Variants in SUGCT observed in about 807,000 individuals in gnomAD.
SUGCT encodes succinyl-CoA:glutarate-CoA transferase, also known as succinyl-CoA:glutarate CoA-transferase.
SUGCT carries 41 observed loss-of-function variants against 55.0 expected under a neutral mutation model. That is an observed-to-expected ratio of 0.74 (90% CI 0.58 to 0.97). The LOEUF is 0.97. Ranked by LOEUF, SUGCT falls within the 50% of genes least tolerant of loss-of-function variation. The probability of loss-of-function intolerance (pLI) is 0.00; values close to 1 mark genes in which losing one functional copy is unlikely to be tolerated. For synonymous variants in SUGCT, 187 were observed against 200.4 expected, an observed-to-expected ratio of 0.93 and a Z score of 0.56; for missense variants, 568 against 547.8, an observed-to-expected ratio of 1.04 and a Z score of -0.37.
chr7:40,885,310 C>T, the SUGCT span, among the ~76,000 whole-genome samples: 3 of 152,172 alleles, frequency 2.0e-5, no homozygotes, highest in Non-Finnish European at 2.9e-5. Flanking sequence ...CACCGCTCTA[C>T]TGCCTCCTCA....
the SUGCT span, among the ~76,000 whole-genome samples, chr7:40,902,873 GA>G: frequency 1.3e-5 from 2 of 151,888 alleles, no homozygotes; most frequent in East Asian, 3.9e-4. Flanking sequence ...CCCTGTAGCT[GA>G]AAAAACCAAA....
chr7:40,228,907 A>G (rs1391397768), intron 6 of SUGCT, among the ~76,000 whole-genome samples: 2 of 152,064 alleles, frequency 1.3e-5, no homozygotes, highest in East Asian at 1.9e-4. Context: ...ATGTGCTTCA[A>G]TTTATTGCAA....
the SUGCT span, among the ~76,000 whole-genome samples, chr7:40,907,123 G>T: frequency 2.6e-5 from 2 of 75,718 alleles, no homozygotes; most frequent in East Asian, 3.5e-4. Context: ...GTGTGTGTGT[G>T]TGTGTGTGTG....
intron 12 of SUGCT, among the ~76,000 whole-genome samples, chr7:40,660,450 G>A (rs1356263758): frequency 6.6e-6 from 1 of 152,088 alleles, no homozygotes; most frequent in African/African-American, 2.4e-5. Context: ...GTAGAGACGG[G>A]GTTTCACCAT....
At chr7:40,844,041 A>AGGTG (rs1793425289) in intron 13 of SUGCT, among the ~76,000 whole-genome samples, 2 of 151,934 alleles carry the variant, frequency 1.3e-5, no homozygotes, top group Non-Finnish European at 2.9e-5. Flanking sequence ...AGGGCAAATC[A>AGGTG]ACACTGGAAC....
chr7:40,487,848 G>A (rs1791465877), intron 11 of SUGCT, among the ~76,000 whole-genome samples: 1 of 151,960 alleles, frequency 6.6e-6, no homozygotes, highest in Non-Finnish European at 1.5e-5. Flanking sequence ...GTTTTCAGTT[G>A]TGTGCAATAT....
intron 8 of SUGCT, among the ~76,000 whole-genome samples, chr7:40,306,597 T>C (rs1794863824): frequency 6.6e-6 from 1 of 152,250 alleles, no homozygotes; most frequent in Non-Finnish European, 1.5e-5. Context: ...AATTGTAGAA[T>C]AATGTAATAT....
the SUGCT span, among the ~76,000 whole-genome samples, chr7:40,883,870 A>G: frequency 6.6e-6 from 1 of 152,076 alleles, no homozygotes; most frequent in African/African-American, 2.4e-5. Context: ...ACTGAACTGG[A>G]TCCCCACTGT....
At chr7:40,517,762 C>CACTTATGATAATAAACCAGATT (rs1793323150) in intron 12 of SUGCT, among the ~76,000 whole-genome samples, 1 of 151,928 alleles carries the variant, frequency 6.6e-6, no homozygotes, top group Admixed American at 6.6e-5. Context: ...TGATTTTCAC[C>CACTTATGATAATAAACCAGATT]ACTTATGGTT....
At chr7:40,233,585 A>G (rs2150865873) in intron 6 of SUGCT, among the ~76,000 whole-genome samples, 1 of 152,286 alleles carries the variant, frequency 6.6e-6, no homozygotes, top group Middle Eastern at 3.4e-3. Context: ...CTTAATTTTT[A>G]TGGTTTATTA....
intron 7 of SUGCT, among the ~76,000 whole-genome samples, chr7:40,254,340 G>A (rs962326707): frequency 2.0e-5 from 3 of 151,126 alleles, no homozygotes; most frequent in African/African-American, 7.2e-5. Context: ...GTATTTCATT[G>A]TGGAAGGATT....
chr7:40,736,324 ATATATACATTT>A (rs1476860984), intron 12 of SUGCT, among the ~76,000 whole-genome samples: 1 of 147,642 alleles, frequency 6.8e-6, no homozygotes, highest in Non-Finnish European at 1.5e-5. Flanking sequence ...ATAATACATT[ATATATACATTT>A]ATGTGTATAT....
the SUGCT span, among the ~76,000 whole-genome samples, chr7:40,949,399 G>A: frequency 2.0e-5 from 3 of 152,044 alleles, no homozygotes; most frequent in African/African-American, 7.2e-5. Context: ...CTCCCATTCT[G>A]TAGGTTGCCT....
At chr7:40,498,911 A>G (rs1792130856) in intron 12 of SUGCT, 2 of 368,150 alleles carry the variant, frequency 5.4e-6, no homozygotes, top group South Asian at 2.1e-5. Context: ...TATCTGCAAA[A>G]TCTATGCCAA....
chr7:41,000,835 G>T, the SUGCT span, among the ~76,000 whole-genome samples: 1 of 152,230 alleles, frequency 6.6e-6, no homozygotes, highest in Admixed American at 6.5e-5. Flanking sequence ...ATAGACAGAG[G>T]CACAACATAT....
intron 8 of SUGCT, among the ~76,000 whole-genome samples, chr7:40,293,877 C>T (rs890301634): frequency 6.6e-6 from 1 of 152,134 alleles, no homozygotes; most frequent in Non-Finnish European, 1.5e-5. Flanking sequence ...TAGTTCTGTA[C>T]TTAATGTCTT....
chr7:40,364,789 G>C (rs375607198), intron 9 of SUGCT, among the ~76,000 whole-genome samples: 1 of 151,908 alleles, frequency 6.6e-6, no homozygotes, highest in Non-Finnish European at 1.5e-5. Flanking sequence ...CAACCAAAAA[G>C]AGTCCAGGAC....
At chr7:40,152,592 A>G in intron 1 of SUGCT, 1 of 187,774 alleles carries the variant, frequency 5.3e-6, no homozygotes. Flanking sequence ...GTGGTTGTTC[A>G]GGAGTTTTAA....
intron 8 of SUGCT, among the ~76,000 whole-genome samples, chr7:40,286,391 T>A (rs1793342044): frequency 6.6e-6 from 1 of 152,166 alleles, no homozygotes; most frequent in Non-Finnish European, 1.5e-5. Context: ...ACCCCTTTTT[T>A]TAAGTTTCAT....
Sources: gnomAD v4.1 joint callset for allele counts (sites outside exome capture counted in the v4.1 genomes callset) on GRCh38, gnomAD v4.1.1 for gene constraint, MANE v1.5 for transcripts, NCBI Gene and HGNC (gene_info 2026-07-23, HGNC 2026-07-21) for gene names.